PRKG2: variants seen among roughly 807,000 people sequenced by gnomAD.
PRKG2 encodes cGMP-dependent protein kinase 2.
Under a neutral mutation model 97.2 loss-of-function variants are expected in PRKG2, and 33 were observed. The ratio of observed to expected loss-of-function variants is 0.34; its 90% CI spans 0.26 to 0.45. The LOEUF (loss-of-function observed/expected upper bound fraction) is 0.45. Among genes scored for constraint, PRKG2 ranks in the 20% least tolerant of loss-of-function variants. The pLI, the probability that PRKG2 is intolerant of heterozygous loss-of-function variation, is 1.00. For synonymous variants in PRKG2, 330 were observed against 321.8 expected (o/e 1.03, Z -0.27); for missense variants, 638 against 900.0 (o/e 0.71, Z 3.73).
chr4:81,125,469 C>T (rs1376135082), intron 14 of PRKG2, among the ~76,000 whole-genome samples: 1 of 152,116 alleles, frequency 6.6e-6, no homozygotes, highest in Non-Finnish European at 1.5e-5. Context: ...TATTGGTGAG[C>T]AGCATTCCAT....
chr4:81,110,830 C>G (rs1233192163), intron 14 of PRKG2, among the ~76,000 whole-genome samples: 1 of 150,474 alleles, frequency 6.6e-6, no homozygotes, highest in Non-Finnish European at 1.5e-5. Flanking sequence ...TTTGCAGGGT[C>G]AGGTGTGTAT....
intron 2 of PRKG2, among the ~76,000 whole-genome samples, chr4:81,191,981 C>A (rs897747362): frequency 6.6e-6 from 1 of 152,238 alleles, no homozygotes; most frequent in Admixed American, 6.5e-5. Context: ...TAGGTTTATA[C>A]CCATCATAAT....
intron 1 of PRKG2, among the ~76,000 whole-genome samples, chr4:81,209,175 G>A (rs562519120): frequency 2.6e-5 from 4 of 152,296 alleles, no homozygotes; most frequent in African/African-American, 9.6e-5. Flanking sequence ...AATTAGAAGA[G>A]ACATAAGAAA....
At chr4:81,140,492 C>T in intron 12 of PRKG2, 41 bp downstream of exon 12, 2 of 1,495,932 alleles carry the variant, frequency 1.3e-6, no homozygotes, top group South Asian at 3.1e-5. Context: ...AAATAAAGAG[C>T]CTGAAAATCC....
chr4:81,105,061 TAAC>T (rs1295421197), intron 16 of PRKG2, among the ~76,000 whole-genome samples: 1 of 152,118 alleles, frequency 6.6e-6, no homozygotes, highest in Non-Finnish European at 1.5e-5. Context: ...TCTTTCAAAA[TAAC>T]AAGATTATTA....
intron 14 of PRKG2, 96 bp downstream of exon 14, chr4:81,135,059 G>T: frequency 1.7e-6 from 2 of 1,209,612 alleles, no homozygotes; most frequent in Non-Finnish European, 2.3e-6. Flanking sequence ...GAGAATAACA[G>T]CTGCACTAAA....
At chr4:81,203,082 T>C (rs1753418228) in intron 2 of PRKG2, among the ~76,000 whole-genome samples, 2 of 151,642 alleles carry the variant, frequency 1.3e-5, no homozygotes, top group South Asian at 2.1e-4. Flanking sequence ...TATATATGTA[T>C]ATATATACAT....
At chr4:81,093,062 C>A (rs939703828) in intron 17 of PRKG2, among the ~76,000 whole-genome samples, 1 of 152,112 alleles carries the variant, frequency 6.6e-6, no homozygotes, top group Non-Finnish European at 1.5e-5. Flanking sequence ...AAGTCTGTTC[C>A]ATGTCTTTGC....
chr4:81,111,997 C>A (rs1418818371), intron 14 of PRKG2, among the ~76,000 whole-genome samples: 1 of 152,038 alleles, frequency 6.6e-6, no homozygotes, highest in Non-Finnish European at 1.5e-5. Flanking sequence ...GTTCACATAA[C>A]AAAATAAGCC....
chr4:81,133,840 A>ATGTATCACATG (rs1242980403), intron 14 of PRKG2, among the ~76,000 whole-genome samples: 12 of 147,226 alleles, frequency 8.2e-5, no homozygotes, highest in African/African-American at 2.9e-4. Flanking sequence ...CATGTGAAAT[A>ATGTATCACATG]TATAGCTATT....
intron 18 of PRKG2, among the ~76,000 whole-genome samples, chr4:81,091,224 A>G (rs76050320): frequency 0.028 from 4,264 of 152,268 alleles, 221 homozygotes; most frequent in African/African-American, 0.097. Context: ...TCTCAATGGT[A>G]TTTAGATTAT....
At chr4:81,123,901 C>T (rs1425602356) in intron 14 of PRKG2, among the ~76,000 whole-genome samples, 2 of 151,930 alleles carry the variant, frequency 1.3e-5, no homozygotes, top group Non-Finnish European at 2.9e-5. Context: ...ATTTTAATTC[C>T]CATTATACCC....
chr4:81,088,665 T>G lies in PRKG2; in HGVS notation c.*1043A>C, dbSNP rs1006874839. 2.0e-5 allele frequency: 3 copies of G among 152,166 alleles called. No individual in the cohort carries two copies. The highest frequency in any genetic ancestry group is 4.4e-5 in the Non-Finnish European group (3 of 68,018). 9.4% of individuals were successfully genotyped at this position (152,166 alleles called of 1,614,324 possible). On this transcript the variant is annotated 3_prime_UTR_variant, in exon 19 of 19. Coordinates refer to ENST00000264399, the MANE Select transcript of PRKG2 (RefSeq NM_006259.3). ...CTAAATTTATAAACACATCCATGAC[T>G]CAGATGTCTTTAAAAAGCGCTATTA...
At chr4:81,213,896 C>T (rs551108999) in intron 1 of PRKG2, among the ~76,000 whole-genome samples, 2 of 152,068 alleles carry the variant, frequency 1.3e-5, no homozygotes, top group African/African-American at 4.8e-5. Context: ...CTTTTCAGGT[C>T]GTTTATTCTT....
chr4:81,127,840 TG>T (rs1179162295), intron 14 of PRKG2, among the ~76,000 whole-genome samples: 2 of 152,220 alleles, frequency 1.3e-5, no homozygotes, highest in Non-Finnish European at 2.9e-5. Flanking sequence ...CTTGGCTGAT[TG>T]CCCTGGCCAG....
chr4:81,150,846 G>C (rs1018408018), intron 8 of PRKG2, among the ~76,000 whole-genome samples: 5 of 151,948 alleles, frequency 3.3e-5, no homozygotes, highest in Non-Finnish European at 5.9e-5. Flanking sequence ...TTTATATTCT[G>C]TTACAAATAA....
In PRKG2 at chr4:81,204,830, T is replaced by C; in HGVS notation, c.218A>G (p.Gln73Arg). The change falls in exon 2 of 19, where the codon CAG becomes CGG. Residue 73 changes from glutamine to arginine, a missense_variant. Gln to Arg is a conservative substitution (Grantham distance 43, BLOSUM62 1). Coordinates refer to ENST00000264399, the MANE Select transcript of PRKG2 (RefSeq NM_006259.3). ...VAIAELTEELQNKCIQLNKLQ... is the reference protein window; with the variant it reads ...VAIAELTEELRNKCIQLNKLQ... ...CTTGTTCAGCTGGATGCACTTGTTC[T>C]GGAGCTCCTCTGTGAGTTCAGCAAT... is the stretch of plus-strand genomic sequence containing the variant. The C allele has an allele frequency of 6.2e-7, 1 of 1,614,206 alleles. No individual in the cohort carries two copies. The highest frequency in any genetic ancestry group is 1.1e-5 in the South Asian group (1 of 91,088).
chr4:81,189,054 T>TAAA (rs1462589613), intron 2 of PRKG2, among the ~76,000 whole-genome samples: 6 of 10,776 alleles, frequency 5.6e-4, no homozygotes, highest in African/African-American at 2.6e-3. Context: ...AAAAAAAGAT[T>TAAA]AAAAAAAATA....
chr4:81,154,451 G>C (rs138037700), intron 6 of PRKG2, among the ~76,000 whole-genome samples: 8 of 149,948 alleles, frequency 5.3e-5, no homozygotes, highest in East Asian at 1.9e-4. Context: ...TCCTCAAGTG[G>C]GTCCCTGACC....
Sources: gnomAD v4.1 joint callset for allele counts (sites outside exome capture counted in the v4.1 genomes callset) on GRCh38, gnomAD v4.1.1 for gene constraint, MANE v1.5 for transcripts, NCBI Gene and HGNC (gene_info 2026-07-23, HGNC 2026-07-21) for gene names.